PCDH15: variants seen among roughly 807,000 people sequenced by gnomAD.
The protein encoded by PCDH15 is protocadherin-15.
A neutral mutation model predicts 178.5 loss-of-function variants in PCDH15; 129 were observed. That is an observed-to-expected ratio of 0.72 (90% CI 0.63 to 0.84). The LOEUF is 0.84. Among genes scored for constraint, PCDH15 ranks in the 40% least tolerant of loss-of-function variants. The pLI, the probability that PCDH15 is intolerant of heterozygous loss-of-function variation, is 0.00. For missense variants in PCDH15, 2,230 were observed against 2,099.9 expected, an observed-to-expected ratio of 1.06 and a Z score of -1.21; for synonymous variants, 800 against 732.0, an observed-to-expected ratio of 1.09 and a Z score of -1.50.
At chr10:55,590,439 G>A (rs926537597) in intron 2 of PCDH15, among the ~76,000 whole-genome samples, 1 of 151,800 alleles carries the variant, frequency 6.6e-6, no homozygotes, top group African/African-American at 2.4e-5. Flanking sequence ...TTGTTCACAT[G>A]CACCCTAAAA....
intron 8 of PCDH15, among the ~76,000 whole-genome samples, chr10:54,267,248 C>T (rs2057753225): frequency 6.6e-6 from 1 of 151,822 alleles, no homozygotes; most frequent in South Asian, 2.1e-4. Flanking sequence ...TTAAAACCCT[C>T]AGTAGACTAG....
intron 2 of PCDH15, among the ~76,000 whole-genome samples, chr10:55,499,205 A>G (rs1426032627): frequency 6.6e-6 from 1 of 151,830 alleles, no homozygotes; most frequent in Non-Finnish European, 1.5e-5. Context: ...ACCTACACAA[A>G]TGAAGCAATA....
chr10:55,056,728 A>G (rs987909614), intron 2 of PCDH15, among the ~76,000 whole-genome samples: 18 of 150,766 alleles, frequency 1.2e-4, no homozygotes, highest in African/African-American at 4.1e-4. Flanking sequence ...CACCTCCCAG[A>G]TTCAAGCAAT....
intron 1 of PCDH15, among the ~76,000 whole-genome samples, chr10:55,215,343 T>C (rs1840675461): frequency 6.6e-6 from 1 of 152,144 alleles, no homozygotes; most frequent in Non-Finnish European, 1.5e-5. Flanking sequence ...TTAGGCCTGA[T>C]GTAGTTAGCA....
chr10:55,084,063 TA>T (rs144596249), intron 2 of PCDH15, among the ~76,000 whole-genome samples: 2 of 151,362 alleles, frequency 1.3e-5, no homozygotes, highest in South Asian at 2.1e-4. Flanking sequence ...CACAAAAATA[TA>T]AAAAAAATTC....
chr10:54,752,257 A>G (rs1361973495), intron 1 of PCDH15, among the ~76,000 whole-genome samples: 1 of 151,232 alleles, frequency 6.6e-6, no homozygotes, highest in Non-Finnish European at 1.5e-5. Context: ...CGGACAGATC[A>G]TGAAGTCAGG....
In PCDH15 at chr10:55,531,997, T is replaced by A. The variant is rs533038950; in HGVS notation, c.-156+95628A>T. Among the ~76,000 whole-genome samples, 102 of 152,166 alleles carry A rather than the reference T, an allele frequency of 6.7e-4. 2 individuals carry two copies. Among genetic ancestry groups the A allele is most frequent in the African/African-American group, 5.1e-4 (21 of 41,578 alleles). The stretch of plus-strand genomic sequence containing the variant: ...AAGAAGTGAATAAATAGATTTTTTT[T>A]ATCAAATTAAAGATCTGATCTTTGT... On this transcript the variant is annotated intron_variant, in intron 2 of 5. Coordinates refer to the PCDH15 transcript ENST00000613346.
At chr10:53,887,801 A>C (rs1415512806) in intron 26 of PCDH15, among the ~76,000 whole-genome samples, 1 of 152,210 alleles carries the variant, frequency 6.6e-6, no homozygotes, top group Non-Finnish European at 1.5e-5. Flanking sequence ...AGGCAGGAGA[A>C]TGGCGTGAAC....
chr10:54,316,125 C>T (rs1030662940), intron 8 of PCDH15, among the ~76,000 whole-genome samples: 2 of 152,156 alleles, frequency 1.3e-5, no homozygotes, highest in Middle Eastern at 3.4e-3. Flanking sequence ...TTATCCAATG[C>T]ACATAACTAT....
At chr10:55,421,667 T>C (rs1461611076) in intron 2 of PCDH15, among the ~76,000 whole-genome samples, 2 of 151,428 alleles carry the variant, frequency 1.3e-5, no homozygotes, top group South Asian at 2.1e-4. Flanking sequence ...TCCAAATTAA[T>C]TAATACTTTC....
chr10:53,879,715 G>A (rs1375187861), intron 26 of PCDH15, among the ~76,000 whole-genome samples: 1 of 152,102 alleles, frequency 6.6e-6, no homozygotes, highest in Non-Finnish European at 1.5e-5. Context: ...ATATGTCTAT[G>A]TGCCTCAGCC....
At chr10:54,455,873 G>T (rs141280960) in intron 3 of PCDH15, among the ~76,000 whole-genome samples, 1 of 152,268 alleles carries the variant, frequency 6.6e-6, no homozygotes, top group African/African-American at 2.4e-5. Context: ...GCTAAAACGG[G>T]TCAGTGTACA....
chr10:53,938,819 T>G lies in PCDH15; in HGVS notation c.3369A>C (p.Ser1123=). 6.2e-7 allele frequency: 1 copy of G among 1,613,048 alleles called. No homozygotes were observed. Among genetic ancestry groups the G allele is most frequent in the Non-Finnish European group, 8.5e-7 (1 of 1,179,540 alleles). The part of the protein sequence containing the change: ...EVVLANLRVP[S]KSNTAKVYIE... ...GCTTTAAGTAGTATAACTTACTTTTTGAAGGAACTCGGAGATTGGCAAGGA... is the reference window on the plus strand; with the variant it reads ...GCTTTAAGTAGTATAACTTACTTTTGGAAGGAACTCGGAGATTGGCAAGGA... The change falls in exon 25 of 38, where the codon TCA becomes TCC. Residue 1123 remains serine, a synonymous_variant. Coordinates refer to ENST00000644397, the MANE Select transcript of PCDH15 (RefSeq NM_001384140.1).
At chr10:54,799,715 T>C (rs997555922) in intron 1 of PCDH15, among the ~76,000 whole-genome samples, 4 of 152,096 alleles carry the variant, frequency 2.6e-5, no homozygotes, top group Admixed American at 1.3e-4. Context: ...TTTTATTTCA[T>C]AGGAGAATGA....
intron 2 of PCDH15, among the ~76,000 whole-genome samples, chr10:54,602,822 G>A (rs2092598092): frequency 6.6e-6 from 1 of 151,842 alleles, no homozygotes; most frequent in East Asian, 1.9e-4. Context: ...AGTCCTAGTT[G>A]GTCATTGTGT....
At position 54,183,482 on chromosome 10, in the gene PCDH15, C is replaced by T; in HGVS notation, c.1552G>A (p.Val518Ile). Reference sequence around the variant, plus strand: ...TCCCCAGGTCTCATGTCTGTATAAACATACACATCATAGGATATTTCAGGG... The same window carrying T: ...TCCCCAGGTCTCATGTCTGTATAAATATACACATCATAGGATATTTCAGGG... ...TFPEISYDVYVYTDMRPGDSV... is the reference protein window; with the variant it reads ...TFPEISYDVYIYTDMRPGDSV... Residue 518 changes from valine to isoleucine, a missense_variant, in exon 13 of 38, where the codon GTT (valine) becomes ATT (isoleucine). By Grantham distance (29) the Val-to-Ile change is conservative (BLOSUM62 3). Coordinates refer to ENST00000644397, the MANE Select transcript of PCDH15 (RefSeq NM_001384140.1). The T allele has an allele frequency of 1.2e-6, 2 of 1,613,570 alleles. No homozygotes were observed. Among genetic ancestry groups the T allele is most frequent in the Non-Finnish European group, 1.7e-6 (2 of 1,179,540 alleles).
chr10:53,831,288 C>A lies in PCDH15; in HGVS notation c.4202+27G>T, dbSNP rs371881089. ...TCTGCAATGACTTCTGAGGAACTAT[C>A]CAGGTTTACCATCCTTGAATACTTA... On this transcript the variant is annotated intron_variant, in intron 30 of 37. Transcript: ENST00000644397. 1.2e-5 allele frequency: 19 copies of A among 1,603,108 alleles called. No individual in the cohort carries two copies. In the South Asian group the frequency reaches 2.1e-4, roughly 18 times the overall value.
At chr10:55,495,220 A>T (rs1227805377) in intron 2 of PCDH15, among the ~76,000 whole-genome samples, 4 of 151,746 alleles carry the variant, frequency 2.6e-5, no homozygotes, top group Non-Finnish European at 4.4e-5. Context: ...ATAAAACCAA[A>T]ATTACAATCA....
chr10:55,110,177 A>G (rs1439872550), intron 2 of PCDH15, among the ~76,000 whole-genome samples: 1 of 152,012 alleles, frequency 6.6e-6, no homozygotes, highest in Admixed American at 6.5e-5. Flanking sequence ...TGTAGGGAAT[A>G]AGGGCTGTAT....
Sources: gnomAD v4.1 joint callset for allele counts (sites outside exome capture counted in the v4.1 genomes callset) on GRCh38, gnomAD v4.1.1 for gene constraint, MANE v1.5 for transcripts, NCBI Gene and HGNC (gene_info 2026-07-23, HGNC 2026-07-21) for gene names.